Variants in TRAK1 observed in about 807,000 individuals in gnomAD.
TRAK1 encodes the protein trafficking kinesin protein 1, also known as trafficking kinesin-binding protein 1.
In TRAK1, 33 loss-of-function variants were observed where a neutral mutation model predicts 92.1. The ratio of observed to expected loss-of-function variants is 0.36; its 90% confidence interval spans 0.27 to 0.48. The LOEUF is 0.48. Among genes scored for constraint, TRAK1 ranks in the 20% least tolerant of loss-of-function variants. TRAK1 has a pLI of 0.99. For synonymous variants in TRAK1, 521 were observed against 517.3 expected (o/e 1.01, Z -0.10); for missense variants, 1,123 against 1,257.9 (o/e 0.89, Z 1.62).
intron 2 of TRAK1, among the ~76,000 whole-genome samples, chr3:42,162,266 A>G (rs1173912954): frequency 1.3e-5 from 2 of 151,934 alleles, no homozygotes; most frequent in Non-Finnish European, 2.9e-5. Flanking sequence ...TATAATGTAT[A>G]TAAATATGTG....
intron 2 of TRAK1, among the ~76,000 whole-genome samples, chr3:42,176,456 C>T (rs1703223720): frequency 6.6e-6 from 1 of 152,208 alleles, no homozygotes; most frequent in African/African-American, 2.4e-5. Flanking sequence ...ATCATTCACA[C>T]ATGGGTGGCT....
chr3:42,151,895 C>G (rs1699997942), intron 2 of TRAK1, among the ~76,000 whole-genome samples: 1 of 152,128 alleles, frequency 6.6e-6, no homozygotes, highest in South Asian at 2.1e-4. Flanking sequence ...TTTTACAGAA[C>G]TTTTGATACT....
At chr3:42,179,179 C>G (rs1020694512) in intron 3 of TRAK1, among the ~76,000 whole-genome samples, 7 of 152,208 alleles carry the variant, frequency 4.6e-5, no homozygotes, top group African/African-American at 1.4e-4. Flanking sequence ...TGTTCCATGT[C>G]TAATGCCATT....
intron 1 of TRAK1, among the ~76,000 whole-genome samples, chr3:42,023,199 T>C (rs1225282728): frequency 6.6e-6 from 1 of 150,826 alleles, no homozygotes; most frequent in Non-Finnish European, 1.5e-5. Flanking sequence ...TAAATATTCC[T>C]GGGAGTTTGG....
chr3:42,130,122 G>A (rs1211890478), intron 2 of TRAK1, among the ~76,000 whole-genome samples: 1 of 152,036 alleles, frequency 6.6e-6, no homozygotes, highest in African/African-American at 2.4e-5. Flanking sequence ...CCATCCTGTG[G>A]CTTGTAGGTC....
At chr3:42,153,630 C>G (rs1203845341) in intron 2 of TRAK1, among the ~76,000 whole-genome samples, 1 of 152,162 alleles carries the variant, frequency 6.6e-6, no homozygotes, top group African/African-American at 2.4e-5. Context: ...CAGCTTCTTA[C>G]TCTATAATGA....
chr3:42,034,628 C>T (rs2148895507), intron 1 of TRAK1, among the ~76,000 whole-genome samples: 1 of 152,300 alleles, frequency 6.6e-6, no homozygotes, highest in South Asian at 2.1e-4. Context: ...TGCCTTTTGC[C>T]ATGATTACTG....
chr3:42,150,970 C>A (rs1699887372), intron 2 of TRAK1, among the ~76,000 whole-genome samples: 1 of 152,180 alleles, frequency 6.6e-6, no homozygotes, highest in Non-Finnish European at 1.5e-5. Context: ...TCTAGAGATG[C>A]TCCTTTTTGG....
At chr3:42,054,794 T>G (rs1178226594) in intron 1 of TRAK1, among the ~76,000 whole-genome samples, 1 of 151,334 alleles carries the variant, frequency 6.6e-6, no homozygotes, top group Non-Finnish European at 1.5e-5. Context: ...TTTTACAAAC[T>G]AACCATTGCC....
intron 2 of TRAK1, among the ~76,000 whole-genome samples, chr3:42,133,084 C>T (rs1030069464): frequency 3.3e-5 from 5 of 152,228 alleles, no homozygotes; most frequent in African/African-American, 1.2e-4. Flanking sequence ...GCTCTCCCAG[C>T]TTCCACTCTT....
intron 1 of TRAK1, among the ~76,000 whole-genome samples, chr3:42,052,195 G>A (rs915369525): frequency 6.6e-6 from 1 of 152,228 alleles, no homozygotes; most frequent in Non-Finnish European, 1.5e-5. Flanking sequence ...ATATCTTAGG[G>A]ATTATGTGGC....
At chr3:42,083,668 A>T (rs1704535407), upstream of TRAK1, among the ~76,000 whole-genome samples, 1 of 152,184 alleles carries the variant, frequency 6.6e-6, no homozygotes, top group African/African-American at 2.4e-5. Context: ...TGAGTCCAGT[A>T]GTTCCATACC....
intron 1 of TRAK1, among the ~76,000 whole-genome samples, chr3:42,067,992 T>C (rs1703754165): frequency 6.6e-6 from 1 of 151,808 alleles, no homozygotes; most frequent in Non-Finnish European, 1.5e-5. Context: ...GCCAACATGG[T>C]GAAACTCCGT....
chr3:42,194,322 G>A lies in TRAK1; in HGVS notation c.975+424G>A, dbSNP rs570557807. 4.6e-5 allele frequency among the ~76,000 whole-genome samples: 7 copies of A among 152,144 alleles called. No homozygotes were observed. In the South Asian group the frequency reaches 6.2e-4, roughly 14 times the overall value. On this transcript the variant is annotated intron_variant, in intron 9 of 15. Coordinates refer to ENST00000327628, the MANE Select transcript of TRAK1 (RefSeq NM_001042646.3). ...TACAGTGGCATGAGCATGGCTCACC[G>A]CAGCCTCGACCTCTCCAGGCTCAGG... is the stretch of plus-strand genomic sequence containing the variant.
At chr3:42,210,549 A>T in intron 14 of TRAK1, 1 of 1,127,354 alleles carries the variant, frequency 8.9e-7, no homozygotes, top group Non-Finnish European at 1.1e-6. Context: ...AGTTTTAGGG[A>T]AATTGAGTGC....
intron 1 of TRAK1, among the ~76,000 whole-genome samples, chr3:42,095,173 T>G (rs1419317442): frequency 6.6e-6 from 1 of 152,216 alleles, no homozygotes; most frequent in Non-Finnish European, 1.5e-5. Flanking sequence ...TGCTGCCATT[T>G]ACTGAGGAGT....
intron 14 of TRAK1, chr3:42,211,578 G>T: frequency 4.1e-6 from 4 of 985,414 alleles, no homozygotes; most frequent in Non-Finnish European, 4.8e-6. Flanking sequence ...GCCTTATGTT[G>T]ATTGGGATGC....
chr3:42,176,223 T>C (rs367650439), intron 2 of TRAK1, among the ~76,000 whole-genome samples: 222 of 152,356 alleles, frequency 1.5e-3, no homozygotes, highest in Non-Finnish European at 2.8e-3. Flanking sequence ...GTCTTTTTAA[T>C]GTATATTTAA....
chr3:42,189,666 G>A (rs55744653), intron 6 of TRAK1, among the ~76,000 whole-genome samples: 16,123 of 152,094 alleles, frequency 0.11, 1,069 homozygotes, highest in South Asian at 0.2. Context: ...GAGTAGCTGG[G>A]ACTACAGACG....
Sources: allele counts gnomAD v4.1 joint callset (sites outside exome capture counted in the v4.1 genomes callset), GRCh38; gene constraint gnomAD v4.1.1; transcripts MANE v1.5; gene names NCBI Gene and HGNC (gene_info 2026-07-23, HGNC 2026-07-21).